Variants in KCNH8 observed in about 807,000 individuals in gnomAD.
KCNH8 encodes the protein voltage-gated delayed rectifier potassium channel KCNH8.
Under a neutral mutation model 103.6 loss-of-function variants are expected in KCNH8, and 70 were observed. The ratio of observed to expected loss-of-function variants is 0.68; its 90% CI spans 0.56 to 0.82. The LOEUF (loss-of-function observed/expected upper bound fraction) is 0.82, where lower values mean the gene tolerates loss of function less well. Among genes scored for constraint, KCNH8 ranks in the 40% least tolerant of loss-of-function variants. The pLI, the probability that KCNH8 is intolerant of heterozygous loss-of-function variation, is 0.00. For missense variants in KCNH8, 1,217 were observed against 1,329.9 expected, an observed-to-expected ratio of 0.92 and a Z score of 1.32; for synonymous variants, 498 against 489.4, an observed-to-expected ratio of 1.02 and a Z score of -0.23.
At chr3:19,183,305 A>G (rs1559412592) in intron 1 of KCNH8, among the ~76,000 whole-genome samples, 1 of 152,210 alleles carries the variant, frequency 6.6e-6, no homozygotes. Context: ...TGTTAGAACA[A>G]AAAAACACAC....
intron 1 of KCNH8, among the ~76,000 whole-genome samples, chr3:19,185,392 A>C (rs1215296312): frequency 6.6e-6 from 1 of 151,816 alleles, no homozygotes; most frequent in Non-Finnish European, 1.5e-5. Context: ...AACACTTTTC[A>C]TGTTCTTATT....
intron 3 of KCNH8, among the ~76,000 whole-genome samples, chr3:19,310,404 T>C (rs1306263271): frequency 6.6e-6 from 1 of 151,928 alleles, no homozygotes; most frequent in Non-Finnish European, 1.5e-5. Context: ...ATTCTTACCC[T>C]TTAGCAAATG....
chr3:19,413,396 G>A (rs1355235086), intron 7 of KCNH8, among the ~76,000 whole-genome samples: 1 of 151,976 alleles, frequency 6.6e-6, no homozygotes, highest in Non-Finnish European at 1.5e-5. Context: ...GGGAAGGAGG[G>A]AGAAGGGCAA....
At chr3:19,273,117 A>G (rs1425081911) in intron 2 of KCNH8, among the ~76,000 whole-genome samples, 1 of 152,226 alleles carries the variant, frequency 6.6e-6, no homozygotes, top group African/African-American at 2.4e-5. Flanking sequence ...TGTTGAGTTC[A>G]TACAGACGTT....
intron 1 of KCNH8, among the ~76,000 whole-genome samples, chr3:19,214,409 A>C (rs2063799479): frequency 6.6e-6 from 1 of 152,150 alleles, no homozygotes; most frequent in Non-Finnish European, 1.5e-5. Flanking sequence ...ATTGCCCTTC[A>C]TTAGTGGGTG....
chr3:19,217,140 T>G (rs1351176366), intron 1 of KCNH8, among the ~76,000 whole-genome samples: 4 of 152,196 alleles, frequency 2.6e-5, no homozygotes, highest in African/African-American at 9.7e-5. Context: ...CATTTTTGTT[T>G]GGGTACACTG....
chr3:19,404,879 T>C (rs1039529769), intron 7 of KCNH8, among the ~76,000 whole-genome samples: 1 of 151,932 alleles, frequency 6.6e-6, no homozygotes, highest in African/African-American at 2.4e-5. Context: ...TGCATACTTA[T>C]GGCTCTTACT....
At chr3:19,481,364 T>G (rs566872534) in intron 11 of KCNH8, among the ~76,000 whole-genome samples, 26 of 150,360 alleles carry the variant, frequency 1.7e-4, no homozygotes, top group African/African-American at 6.0e-4. Context: ...TACTTCCTTT[T>G]TGTTTCTCCA....
chr3:19,362,273 G>T (rs2125110277), intron 5 of KCNH8, among the ~76,000 whole-genome samples: 1 of 152,214 alleles, frequency 6.6e-6, no homozygotes, highest in East Asian at 1.9e-4. Context: ...AGGCCCCAAA[G>T]CTTAAATAGC....
chr3:19,243,726 T>C (rs79027331), intron 1 of KCNH8, among the ~76,000 whole-genome samples: 1,950 of 152,274 alleles, frequency 0.013, 40 homozygotes, highest in African/African-American at 0.045. Context: ...ATAAAACGAC[T>C]AAAACATGAC....
At position 19,279,251 on chromosome 3, in the gene KCNH8, C is replaced by T. The variant is rs377412141; in HGVS notation, c.311-1947C>T. 1.1e-4 allele frequency among the ~76,000 whole-genome samples: 17 copies of T among 152,138 alleles called. No individual in the cohort carries two copies. The South Asian group carries it at 1.7e-3, about 15-fold the overall frequency. The stretch of plus-strand genomic sequence containing the variant: ...TCAATTAAGAACCATTCTGGGATGA[C>T]GAGGATAGCAGTGTTTGGCTATGGG... On this transcript the variant is annotated intron_variant, in intron 2 of 15. Coordinates refer to ENST00000328405, the MANE Select transcript of KCNH8 (RefSeq NM_144633.3).
chr3:19,315,954 A>G (rs1168750778), intron 3 of KCNH8, among the ~76,000 whole-genome samples: 7 of 152,034 alleles, frequency 4.6e-5, no homozygotes, highest in African/African-American at 1.2e-4. Flanking sequence ...GACTGGAGAA[A>G]GATGAATCAA....
chr3:19,445,008 T>C (rs190700852), intron 8 of KCNH8, among the ~76,000 whole-genome samples: 4 of 152,066 alleles, frequency 2.6e-5, no homozygotes, highest in Admixed American at 6.6e-5. Context: ...TGCATACATA[T>C]ATACTTCAGG....
At chr3:19,527,408 TC>T (rs1196282379) in intron 15 of KCNH8, among the ~76,000 whole-genome samples, 1 of 152,020 alleles carries the variant, frequency 6.6e-6, no homozygotes, top group African/African-American at 2.4e-5. Flanking sequence ...AAATCCACTA[TC>T]AAATTGAGCC....
intron 3 of KCNH8, among the ~76,000 whole-genome samples, chr3:19,337,021 A>G (rs7645179): frequency 0.049 from 7,449 of 152,086 alleles, 223 homozygotes; most frequent in East Asian, 0.13. Flanking sequence ...GGAGAGATCC[A>G]TTTTGACCCA....
chr3:19,449,963 C>T, intron 8 of KCNH8, 143 bp from the exon 9 acceptor site: 1 of 660,678 alleles, frequency 1.5e-6, no homozygotes, highest in Non-Finnish European at 2.6e-6. Flanking sequence ...TACCAAAATG[C>T]TTGTACCAAA....
intron 1 of KCNH8, among the ~76,000 whole-genome samples, chr3:19,151,793 G>A (rs191177500): frequency 2.6e-5 from 4 of 151,594 alleles, no homozygotes; most frequent in African/African-American, 9.7e-5. Flanking sequence ...AGACACTTGT[G>A]GATTATTAAT....
intron 3 of KCNH8, among the ~76,000 whole-genome samples, chr3:19,303,395 A>G (rs1174962588): frequency 6.6e-6 from 1 of 152,184 alleles, no homozygotes; most frequent in Non-Finnish European, 1.5e-5. Flanking sequence ...GAATTGACTT[A>G]ATAGATCTGA....
At chr3:19,221,724 T>C (rs1351782250) in intron 1 of KCNH8, among the ~76,000 whole-genome samples, 1 of 152,216 alleles carries the variant, frequency 6.6e-6, no homozygotes, top group Non-Finnish European at 1.5e-5. Context: ...AAGTTTAATG[T>C]CATTTGGTGG....
Sources: gnomAD v4.1 joint callset for allele counts (sites outside exome capture counted in the v4.1 genomes callset) on GRCh38, gnomAD v4.1.1 for gene constraint, MANE v1.5 for transcripts, NCBI Gene and HGNC (gene_info 2026-07-23, HGNC 2026-07-21) for gene names.